The following CCDC61 variants were observed in gnomAD, a reference collection of about 807,000 sequenced individuals.
CCDC61 encodes the protein coiled-coil domain containing 61, also known as centrosomal protein CCDC61.
A neutral mutation model predicts 63.0 loss-of-function variants in CCDC61; 55 were observed. The ratio of observed to expected loss-of-function variants is 0.87; its 90% confidence interval spans 0.70 to 1.09. The LOEUF is 1.09. CCDC61 is among the 50% of genes least tolerant of loss of function. The probability of loss-of-function intolerance (pLI) is 0.00; values close to 1 mark genes in which losing one functional copy is unlikely to be tolerated. For synonymous variants in CCDC61, 270 were observed against 317.0 expected (o/e 0.85, Z 1.58); for missense variants, 651 against 731.4 (o/e 0.89, Z 1.27).
At chr19:46,000,920 C>T (rs1346828420) in intron 1 of CCDC61, among the ~76,000 whole-genome samples, 1 of 151,638 alleles carries the variant, frequency 6.6e-6, no homozygotes, top group Non-Finnish European at 1.5e-5. Flanking sequence ...GGGGAGTTGG[C>T]GGCGGGGATG....
At chr19:45,995,879 G>A (rs1431631230) in intron 1 of CCDC61, among the ~76,000 whole-genome samples, 1 of 152,166 alleles carries the variant, frequency 6.6e-6, no homozygotes, top group African/African-American at 2.4e-5. Flanking sequence ...GGTGAAAGTC[G>A]TGGGAAGAAG....
chr19:46,017,137 G>A, intron 11 of CCDC61, 68 bp downstream of exon 11: 1 of 1,557,182 alleles, frequency 6.4e-7, no homozygotes. Flanking sequence ...ACAGTCTTTT[G>A]CAGGGAAATT....
rs992700697 is a variant in CCDC61 at position 46,015,897 on chromosome 19, G to A, written c.846-157G>A. Among the ~76,000 whole-genome samples, 1 of 151,968 alleles carries A rather than the reference G, an allele frequency of 6.6e-6. No homozygotes were observed. The highest frequency in any genetic ancestry group is 1.9e-4 in the East Asian group (1 of 5,166). The stretch of plus-strand genomic sequence containing the variant: ...TAGGGGTCCAATTGGGTGAGGTCTG[G>A]GGGGGAAGATATCGAGAGGGTCATG... On this transcript the variant is annotated intron_variant, in intron 7 of 13. Coordinates refer to ENST00000595358, the MANE Select transcript of CCDC61 (RefSeq NM_001267723.2). This position sits in a 1 kb window ranked among gnomAD's most constrained non-coding sequence, Gnocchi z 5.3.
chr19:46,001,979 C>T (rs1378775621), intron 1 of CCDC61, among the ~76,000 whole-genome samples: 1 of 152,160 alleles, frequency 6.6e-6, no homozygotes, highest in Non-Finnish European at 1.5e-5. Context: ...GAGTCTCCCC[C>T]TGTCGCCAGG....
chr19:46,001,885 C>G (rs909509143), intron 1 of CCDC61, among the ~76,000 whole-genome samples: 1 of 152,186 alleles, frequency 6.6e-6, no homozygotes, highest in African/African-American at 2.4e-5. Flanking sequence ...TTAAAAATCC[C>G]TTACCTGGAG....
At chr19:46,005,619 GAAGA>G (rs1968691841) in intron 3 of CCDC61, among the ~76,000 whole-genome samples, 1 of 151,940 alleles carries the variant, frequency 6.6e-6, no homozygotes, top group Non-Finnish European at 1.5e-5. Flanking sequence ...ACACCCAGTG[GAAGA>G]TACAAGTTTT....
chr19:46,018,500 T>A lies in CCDC61; in HGVS notation c.*113T>A. The A allele has an allele frequency of 1.3e-6, 1 of 779,876 alleles. No homozygotes were observed. The highest frequency in any genetic ancestry group is 2.1e-6 in the Non-Finnish European group (1 of 477,424). 48.3% of individuals were successfully genotyped at this position (779,876 alleles called of 1,614,324 possible). ...CCAGTCCCTGCCCTGGCCCCGTCCC[T>A]CCTGCTGCCCCTGGGGTCTCAGGTG... On this transcript the variant is annotated 3_prime_UTR_variant, in exon 14 of 14. Coordinates refer to ENST00000595358, the MANE Select transcript of CCDC61 (RefSeq NM_001267723.2). The surrounding 1 kb of genome is among the most constrained non-coding windows in gnomAD (Gnocchi z 4.2).
chr19:45,999,962 G>A, intron 1 of CCDC61: 2 of 945,552 alleles, frequency 2.1e-6, no homozygotes, highest in Non-Finnish European at 1.3e-6. Flanking sequence ...AGGAGGCAGA[G>A]GCTGAGAAGA....
Position 46,003,060 on chromosome 19 carries a change from G to A in CCDC61, c.42G>A (p.Arg14=). 1 of 1,599,156 alleles carries A rather than the reference G, an allele frequency of 6.3e-7. No homozygotes were observed. The highest frequency in any genetic ancestry group is 1.3e-5 in the African/African-American group (1 of 74,860). ...GCCTGCAGGTGGACTACGTCTTCCG[G>A]GGTGTGGAGCATGCCGTGCGGGTGA... The part of the protein sequence containing the change: ...PAGLQVDYVF[R]GVEHAVRVMV... The change falls in exon 2 of 14, where the codon CGG becomes CGA. Residue 14 remains arginine, a synonymous_variant. Coordinates refer to ENST00000595358, the MANE Select transcript of CCDC61 (RefSeq NM_001267723.2).
chr19:46,004,835 CTTTTT>C (rs748867869), intron 3 of CCDC61, among the ~76,000 whole-genome samples: 5,192 of 94,996 alleles, frequency 0.055, 125 homozygotes, highest in South Asian at 0.14. Context: ...ATTTAGATAT[CTTTTT>C]TTTTTTTTTT....
rs1160899683 is a variant in CCDC61, at chr19:46,016,895, G to C, written c.1231+62G>C. On this transcript the variant is annotated intron_variant, in intron 10 of 13. Coordinates refer to ENST00000595358, the MANE Select transcript of CCDC61 (RefSeq NM_001267723.2). This position sits in a 1 kb window ranked among gnomAD's most constrained non-coding sequence, Gnocchi z 7.2. ...GGGACTGGGCGGGGCTGGGCGGGCTGGGAGGCACTGGGCAGGGCGGGCGGG... is the reference window on the plus strand; with the variant it reads ...GGGACTGGGCGGGGCTGGGCGGGCTCGGAGGCACTGGGCAGGGCGGGCGGG... 1.0e-5 allele frequency: 15 copies of C among 1,472,214 alleles called. No individual in the cohort carries two copies. The highest frequency in any genetic ancestry group is 1.3e-5 in the South Asian group (1 of 79,082). The allele number at this position is 1,472,214 out of a possible 1,614,324, so 91.2% of individuals were successfully genotyped here.
chr19:46,010,589 G>C (rs950808163), intron 5 of CCDC61, among the ~76,000 whole-genome samples: 1 of 152,216 alleles, frequency 6.6e-6, no homozygotes, highest in African/African-American at 2.4e-5. Flanking sequence ...GAGAGGAGGG[G>C]AGAAGTCAGA....
At chr19:46,009,834 G>GCC (rs1968791920) in intron 5 of CCDC61, among the ~76,000 whole-genome samples, 2 of 151,906 alleles carry the variant, frequency 1.3e-5, no homozygotes, top group African/African-American at 2.4e-5. Flanking sequence ...GTGTGTGTGT[G>GCC]TGTGCGCGCG....
At position 46,015,652 on chromosome 19, in the gene CCDC61, G is replaced by A. The variant is rs184164919; in HGVS notation, c.845+225G>A. ...GTGCGGAGATGCGCAGGCTTGGGGC[G>A]GCGTTCAGGAGGGACTGGGAAAGGG... On this transcript the variant is annotated intron_variant, in intron 7 of 13. Transcript: ENST00000595358. The surrounding 1 kb of genome is among the most constrained non-coding windows in gnomAD (Gnocchi z 5.3). Among the ~76,000 whole-genome samples, 16 of 152,272 alleles carry A rather than the reference G, an allele frequency of 1.1e-4. No homozygotes were observed. The East Asian group carries it at 3.1e-3, about 30-fold the overall frequency.
At chr19:46,005,612 C>T (rs1310666050) in intron 3 of CCDC61, among the ~76,000 whole-genome samples, 2 of 152,030 alleles carry the variant, frequency 1.3e-5, no homozygotes, top group Non-Finnish European at 2.9e-5. Context: ...CTATCAGACA[C>T]CCAGTGGAAG....
intron 1 of CCDC61, among the ~76,000 whole-genome samples, chr19:46,002,118 G>T (rs1402915863): frequency 6.6e-6 from 1 of 151,706 alleles, no homozygotes; most frequent in African/African-American, 2.4e-5. Flanking sequence ...TAATTTTTTT[G>T]TATTTTTAGT....
intron 5 of CCDC61, among the ~76,000 whole-genome samples, chr19:46,012,212 C>T (rs1178919639): frequency 1.3e-5 from 2 of 152,250 alleles, no homozygotes; most frequent in East Asian, 1.9e-4. Context: ...TGGGACCCGT[C>T]CCTCCTGCCC....
rs541456957 is a variant in CCDC61 at position 46,010,121 on chromosome 19, T to C, written c.551+1820T>C. 1.7e-4 allele frequency among the ~76,000 whole-genome samples: 26 copies of C among 152,362 alleles called. No homozygotes were observed. The South Asian group carries it at 4.6e-3, about 27-fold the overall frequency. On this transcript the variant is annotated intron_variant, in intron 5 of 13. Transcript: ENST00000595358. ...GCCTGACGCTAGTTAATGTTTATTA[T>C]GCTAGACATGGTCTAAGCACTGTGG...
Position 46,016,211 on chromosome 19 carries a change from C to A in CCDC61, c.1003C>A (p.Pro335Thr). ...RGRGRPARPS[P>T]SPTGGRALRF... ...TCGGGGCCGCCCTGCGCGCCCCTCG[C>A]CCTCGCCCACAGGTCTGTGCCCCTG... is the stretch of plus-strand genomic sequence containing the variant. Residue 335 changes from proline to threonine, a missense_variant, in exon 8 of 14, where the codon CCC becomes ACC. Pro to Thr is a conservative substitution (Grantham distance 38). Coordinates refer to ENST00000595358, the MANE Select transcript of CCDC61 (RefSeq NM_001267723.2). The surrounding 1 kb of genome is among the most constrained non-coding windows in gnomAD (Gnocchi z 7.2). 6.9e-7 allele frequency: 1 copy of A among 1,445,938 alleles called. No individual in the cohort carries two copies. The highest frequency in any genetic ancestry group is 1.4e-5 in the South Asian group (1 of 69,908). 89.6% of individuals were successfully genotyped at this position (1,445,938 alleles called of 1,614,324 possible).
Sources: allele counts gnomAD v4.1 joint callset (sites outside exome capture counted in the v4.1 genomes callset), GRCh38; gene constraint gnomAD v4.1.1; non-coding constraint Gnocchi (gnomAD v3.1); transcripts MANE v1.5; gene names NCBI Gene and HGNC (gene_info 2026-07-23, HGNC 2026-07-21).